The following GALNT10 variants were observed in gnomAD, a reference collection of about 807,000 sequenced individuals.
GALNT10 encodes the protein polypeptide N-acetylgalactosaminyltransferase 10, also known as GalNAc transferase 10.
In GALNT10, 41 loss-of-function variants were observed where a neutral mutation model predicts 75.0. The ratio of observed to expected loss-of-function variants is 0.55; its 90% CI spans 0.43 to 0.71. GALNT10 has a LOEUF of 0.71. Ranked by LOEUF, GALNT10 falls within the 30% of genes least tolerant of loss-of-function variation. GALNT10 has a pLI of 0.00. For synonymous variants in GALNT10, 302 were observed against 313.0 expected (o/e 0.96, Z 0.37); for missense variants, 727 against 818.5 (o/e 0.89, Z 1.36).
chr5:154,381,806 A>G (rs1446196477), intron 6 of GALNT10, among the ~76,000 whole-genome samples: 1 of 152,228 alleles, frequency 6.6e-6, no homozygotes, highest in South Asian at 2.1e-4. Flanking sequence ...GCTTTCCTTC[A>G]TACCTCTGCT....
At chr5:154,198,131 C>A (rs1314199480) in intron 1 of GALNT10, among the ~76,000 whole-genome samples, 1 of 152,214 alleles carries the variant, frequency 6.6e-6, no homozygotes, top group Non-Finnish European at 1.5e-5. Flanking sequence ...CTCCTCCTGT[C>A]TCCGTTCCTC....
chr5:154,413,025 G>T lies in GALNT10; in HGVS notation c.1503+20G>T, dbSNP rs777607122. On this transcript the variant is annotated intron_variant, in intron 10 of 11. Coordinates refer to ENST00000297107, the MANE Select transcript of GALNT10 (RefSeq NM_198321.4). ...ATGCAGGTAAGGGCCGCCCCTCAGG[G>T]ACTGGCAGCCAGGTTCTCTGAAACA... is the stretch of plus-strand genomic sequence containing the variant. 6 of 1,481,206 alleles carry T rather than the reference G, an allele frequency of 4.1e-6. No individual in the cohort carries two copies. Among genetic ancestry groups the T allele is most frequent in the South Asian group, 1.1e-5 (1 of 88,008 alleles). 91.8% of individuals were successfully genotyped at this position (1,481,206 alleles called of 1,614,324 possible). A position where few individuals can be genotyped will look rare whatever the true frequency, so the allele number is the denominator to read the frequency against.
At chr5:154,326,413 T>G (rs1157221868) in intron 3 of GALNT10, among the ~76,000 whole-genome samples, 1 of 152,192 alleles carries the variant, frequency 6.6e-6, no homozygotes, top group African/African-American at 2.4e-5. Context: ...ACCCACAGAA[T>G]TGAAAACATG....
At chr5:154,215,665 A>C (rs1354513712) in intron 1 of GALNT10, among the ~76,000 whole-genome samples, 2 of 152,224 alleles carry the variant, frequency 1.3e-5, no homozygotes, top group Non-Finnish European at 2.9e-5. Flanking sequence ...AGACAGCAAA[A>C]GAATACTGTC....
At chr5:154,408,679 A>G (rs1439667160) in intron 8 of GALNT10, among the ~76,000 whole-genome samples, 2 of 152,096 alleles carry the variant, frequency 1.3e-5, no homozygotes, top group Admixed American at 1.3e-4. Flanking sequence ...TCATGATGAA[A>G]GTAGCAGCAA....
At chr5:154,267,217 A>C (rs1244774319) in intron 1 of GALNT10, among the ~76,000 whole-genome samples, 1 of 152,226 alleles carries the variant, frequency 6.6e-6, no homozygotes, top group East Asian at 1.9e-4. Flanking sequence ...ATATGGGATG[A>C]ATATTTAAGG....
intron 1 of GALNT10, among the ~76,000 whole-genome samples, chr5:154,212,970 A>ATT (rs1752787378): frequency 6.6e-6 from 1 of 151,330 alleles, no homozygotes; most frequent in African/African-American, 2.4e-5. Flanking sequence ...TCCATCTCAA[A>ATT]AAAAAAAAAA....
In GALNT10 at chr5:154,407,225, T is replaced by C. The variant is rs527283500; in HGVS notation, c.1165-2316T>C. On this transcript the variant is annotated intron_variant, in intron 8 of 11. Transcript: ENST00000297107. The stretch of plus-strand genomic sequence containing the variant: ...AGTACAGTTGGGCCTCAGACGGGAC[T>C]GGGACTCGGAAGTAGGAAGGTGTTG... Among the ~76,000 whole-genome samples, 8 of 152,276 alleles carry C rather than the reference T, an allele frequency of 5.3e-5. No homozygotes were observed. The East Asian group carries it at 1.5e-3, about 29-fold the overall frequency.
intron 1 of GALNT10, among the ~76,000 whole-genome samples, chr5:154,245,625 T>A (rs1753409819): frequency 6.6e-6 from 1 of 151,958 alleles, no homozygotes; most frequent in South Asian, 2.1e-4. Context: ...TATTAATACA[T>A]TAATATATGT....
chr5:154,343,108 G>A lies in GALNT10; in HGVS notation c.568+13370G>A, dbSNP rs563008458. Among the ~76,000 whole-genome samples the A allele has an allele frequency of 2.1e-4, 32 of 151,836 alleles. 1 individual carries two copies. In the South Asian group the frequency reaches 5.4e-3, roughly 26 times the overall value. ...AGAATGTTTAACATGCAGATTCCCC[G>A]GGCCCTGTGAGTGTCCAGGTCCTCA... On this transcript the variant is annotated intron_variant, in intron 4 of 11. Transcript: ENST00000297107.
intron 7 of GALNT10, among the ~76,000 whole-genome samples, chr5:154,395,700 A>AGGGGCACCAATCATCCCAAATTCACAGG (rs1756001267): frequency 6.6e-6 from 1 of 152,158 alleles, no homozygotes; most frequent in South Asian, 2.1e-4. Flanking sequence ...CCATCTACAG[A>AGGGGCACCAATCATCCCAAATTCACAGG]GGGGCACCAA....
At chr5:154,362,300 A>G (rs1429730686) in intron 4 of GALNT10, among the ~76,000 whole-genome samples, 1 of 152,154 alleles carries the variant, frequency 6.6e-6, no homozygotes, top group African/African-American at 2.4e-5. Flanking sequence ...CTTTCTGTCC[A>G]TCACTGGTCT....
intron 3 of GALNT10, among the ~76,000 whole-genome samples, chr5:154,316,952 CCACATTTACCCAT>C (rs1461587831): frequency 3.3e-5 from 5 of 152,188 alleles, no homozygotes; most frequent in Non-Finnish European, 7.3e-5. Flanking sequence ...GAGTTGTCCT[CCACATTTACCCAT>C]CTCCAAGAAC....
rs567552556 is a variant in GALNT10, at chr5:154,190,825, C to A, written c.-42C>A. ...GGCGGACGCGCGGAGCTGGGGGCGG[C>A]GCGGCGGGGCCGGCGGGGCGCGGCG... On this transcript the variant is annotated 5_prime_UTR_variant, in exon 1 of 12. Transcript: ENST00000297107. 9.4e-6 allele frequency: 10 copies of A among 1,064,050 alleles called. No individual in the cohort carries two copies. Among genetic ancestry groups the A allele is most frequent in the Non-Finnish European group, 1.1e-5 (10 of 874,042 alleles). 65.9% of individuals were successfully genotyped at this position (1,064,050 alleles called of 1,614,324 possible). A position where few individuals can be genotyped will look rare whatever the true frequency, so the allele number is the denominator to read the frequency against.
intron 7 of GALNT10, among the ~76,000 whole-genome samples, chr5:154,394,670 A>G (rs1233195312): frequency 6.6e-6 from 1 of 152,228 alleles, no homozygotes; most frequent in East Asian, 1.9e-4. Context: ...GTTGCCACAC[A>G]GGAGGGAGAA....
At position 154,297,052 on chromosome 5, in the gene GALNT10, G is replaced by T. The variant is rs530067971; in HGVS notation, c.263-889G>T. ...CAGAAGGCAAGATGATTTTTAACCCGTTGATTTTATTGCCATTTCTTCAAG... is the reference window on the plus strand; with the variant it reads ...CAGAAGGCAAGATGATTTTTAACCCTTTGATTTTATTGCCATTTCTTCAAG... On this transcript the variant is annotated intron_variant, in intron 2 of 11. Coordinates refer to ENST00000297107, the MANE Select transcript of GALNT10 (RefSeq NM_198321.4). 2.0e-5 allele frequency among the ~76,000 whole-genome samples: 3 copies of T among 152,310 alleles called. No homozygotes were observed. In the South Asian group the frequency reaches 6.2e-4, roughly 32 times the overall value.
chr5:154,396,124 C>A (rs115823568), intron 7 of GALNT10, among the ~76,000 whole-genome samples: 1,928 of 152,274 alleles, frequency 0.013, 39 homozygotes, highest in African/African-American at 0.044. Flanking sequence ...ATCTTTGGTC[C>A]ACCCTTGGCA....
At chr5:154,266,120 G>A (rs1753771692) in intron 1 of GALNT10, among the ~76,000 whole-genome samples, 1 of 152,082 alleles carries the variant, frequency 6.6e-6, no homozygotes, top group Non-Finnish European at 1.5e-5. Context: ...CAATTTAATA[G>A]TAGGAAACTG....
intron 3 of GALNT10, among the ~76,000 whole-genome samples, chr5:154,304,487 A>G (rs954861056): frequency 7.2e-5 from 11 of 152,212 alleles, no homozygotes; most frequent in Non-Finnish European, 1.5e-4. Context: ...CAGAAATGTC[A>G]GTAAACTATG....
Sources: allele counts gnomAD v4.1 joint callset (sites outside exome capture counted in the v4.1 genomes callset), GRCh38; gene constraint gnomAD v4.1.1; transcripts MANE v1.5; gene names NCBI Gene and HGNC (gene_info 2026-07-23, HGNC 2026-07-21).